STAT4: variants seen among roughly 807,000 people sequenced by gnomAD.
The protein encoded by STAT4 is signal transducer and activator of transcription 4.
A neutral mutation model predicts 110.5 loss-of-function variants in STAT4; 42 were observed. The ratio of observed to expected loss-of-function variants is 0.38; its 90% CI spans 0.30 to 0.49. The LOEUF (loss-of-function observed/expected upper bound fraction) is 0.49, where lower values mean the gene tolerates loss of function less well. STAT4 is among the 20% of genes least tolerant of loss of function. The probability of loss-of-function intolerance (pLI) is 0.95; values close to 1 mark genes in which losing one functional copy is unlikely to be tolerated. For synonymous variants in STAT4, 284 were observed against 302.2 expected (o/e 0.94, Z 0.63); for missense variants, 632 against 887.9 (o/e 0.71, Z 3.66).
Position 191,150,609 on chromosome 2 carries a change from C to T in STAT4, c.-2+338G>A, listed in dbSNP as rs1257187243. On this transcript the variant is annotated intron_variant, in intron 1 of 23. Transcript: ENST00000392320. The surrounding 1 kb of genome is among the most constrained non-coding windows in gnomAD (Gnocchi z 6.4). ...TACGCTAATCTAAAGTCAGACATCACAGCTCTAGAGAAGCTGGCTAAGAAA... is the reference window on the plus strand; with the variant it reads ...TACGCTAATCTAAAGTCAGACATCATAGCTCTAGAGAAGCTGGCTAAGAAA... 6.6e-6 allele frequency among the ~76,000 whole-genome samples: 1 copy of T among 152,214 alleles called. No homozygotes were observed. Among genetic ancestry groups the T allele is most frequent in the Admixed American group, 6.5e-5 (1 of 15,286 alleles).
chr2:191,133,433 A>G (rs1038038937), intron 3 of STAT4, among the ~76,000 whole-genome samples: 1 of 151,108 alleles, frequency 6.6e-6, no homozygotes, highest in Non-Finnish European at 1.5e-5. Flanking sequence ...AATGTAAGGT[A>G]AGAGATATGG....
intron 4 of STAT4, among the ~76,000 whole-genome samples, chr2:191,075,389 T>G (rs1697285931): frequency 6.6e-6 from 1 of 152,170 alleles, no homozygotes; most frequent in Non-Finnish European, 1.5e-5. Context: ...ATCTAAACTA[T>G]GTTAGAGTAA....
Position 191,147,712 on chromosome 2 carries a change from T to C in STAT4, c.128+364A>G, listed in dbSNP as rs1699494098. 6.6e-6 allele frequency among the ~76,000 whole-genome samples: 1 copy of C among 152,162 alleles called. No individual in the cohort carries two copies. The highest frequency in any genetic ancestry group is 2.1e-4 in the South Asian group (1 of 4,822). On this transcript the variant is annotated intron_variant, in intron 2 of 23. Transcript: ENST00000392320. This position sits in a 1 kb window ranked among gnomAD's most constrained non-coding sequence, Gnocchi z 4.1. ...GATGGCTGAAAAAAATTAAATGGTA[T>C]AAGGTGAATAGAGCTTTGAAGAGTA... is the stretch of plus-strand genomic sequence containing the variant.
At position 191,053,302 on chromosome 2, in the gene STAT4, G is replaced by A. The variant is rs1333585798; in HGVS notation, c.1251+1188C>T. Among the ~76,000 whole-genome samples, 1 of 152,180 alleles carries A rather than the reference G, an allele frequency of 6.6e-6. No homozygotes were observed. Among genetic ancestry groups the A allele is most frequent in the Non-Finnish European group, 1.5e-5 (1 of 68,036 alleles). On this transcript the variant is annotated intron_variant, in intron 14 of 23. Transcript: ENST00000392320. This position sits in a 1 kb window ranked among gnomAD's most constrained non-coding sequence, Gnocchi z 4.5. ...GGTTTTACACCTGCAGCACCTCTGA[G>A]CACGGGCTGTTGAGCATGACTATCC...
In STAT4 at chr2:191,066,544, G is replaced by T. The variant is rs1372464503; in HGVS notation, c.545-29C>A. On this transcript the variant is annotated intron_variant, in intron 6 of 23. Transcript: ENST00000392320. The surrounding 1 kb of genome is among the most constrained non-coding windows in gnomAD (Gnocchi z 4.3). Reference sequence around the variant, plus strand: ...CAAAGGTAAAGAGATCAGATTTAGAGTTCTCTCTATTCCTGAAAGTCAAGT... The same window carrying T: ...CAAAGGTAAAGAGATCAGATTTAGATTTCTCTCTATTCCTGAAAGTCAAGT... The T allele has an allele frequency of 1.2e-6, 2 of 1,600,772 alleles. No individual in the cohort carries two copies. The highest frequency in any genetic ancestry group is 1.1e-5 in the South Asian group (1 of 90,366).
At chr2:191,134,430 A>G (rs530818297) in intron 3 of STAT4, among the ~76,000 whole-genome samples, 206 of 152,102 alleles carry the variant, frequency 1.4e-3, no homozygotes, top group Admixed American at 4.0e-3. Context: ...CATACTCCAC[A>G]CTGGGTCCCA....
chr2:191,067,438 TCA>T (rs1559051939), intron 6 of STAT4, among the ~76,000 whole-genome samples: 1 of 152,104 alleles, frequency 6.6e-6, no homozygotes, highest in Admixed American at 6.6e-5. Flanking sequence ...AAAACTCATA[TCA>T]CAGAGGAAAA....
intron 5 of STAT4, among the ~76,000 whole-genome samples, chr2:191,072,685 T>C (rs900683975): frequency 4.6e-5 from 7 of 152,238 alleles, no homozygotes; most frequent in South Asian, 2.1e-4. Flanking sequence ...AATCTCTAGA[T>C]AGACTGATTA....
upstream of STAT4, chr2:191,151,564 C>G (rs1039442811): frequency 1.8e-4 from 174 of 985,478 alleles, no homozygotes; most frequent in Non-Finnish European, 2.0e-4. The surrounding 1 kb of genome is among the most constrained non-coding windows in gnomAD (Gnocchi z 4.7). Context: ...CTGACCTAGC[C>G]TCCTCCTACT....
chr2:191,121,777 G>C (rs1045572083), intron 3 of STAT4, among the ~76,000 whole-genome samples: 1 of 145,166 alleles, frequency 6.9e-6, no homozygotes, highest in Non-Finnish European at 1.5e-5. Flanking sequence ...GTTGTGGGGT[G>C]GGGGGAAGGG....
In STAT4 at chr2:191,037,820, GAA is replaced by G. The variant is rs370856447; in HGVS notation, c.1434+1377_1434+1378del. ...TTTGTGAACCTGAGAATGGTGCCTG[GAA>G]AAGTGACCAGAAAGCACAGAATACA... On this transcript the variant is annotated intron_variant, in intron 16 of 23. Coordinates refer to ENST00000392320, the MANE Select transcript of STAT4 (RefSeq NM_003151.4). The surrounding 1 kb of genome is among the most constrained non-coding windows in gnomAD (Gnocchi z 4.8). Among the ~76,000 whole-genome samples, 1 of 152,180 alleles carries G rather than the reference GAA, an allele frequency of 6.6e-6. No individual in the cohort carries two copies. Among genetic ancestry groups the G allele is most frequent in the African/African-American group, 2.4e-5 (1 of 41,442 alleles).
rs1471415944 is a variant in STAT4, at chr2:191,110,184, G to A, written c.274-33859C>T. On this transcript the variant is annotated intron_variant, in intron 3 of 23. Transcript: ENST00000392320. The surrounding 1 kb of genome is among the most constrained non-coding windows in gnomAD (Gnocchi z 4.5). ...TGACCACAAAACCATTCCTCAGTCT[G>A]CACAAACATAGATTTGTGTTGATGT... Among the ~76,000 whole-genome samples the A allele has an allele frequency of 6.6e-6, 1 of 152,092 alleles. No homozygotes were observed. Among genetic ancestry groups the A allele is most frequent in the Non-Finnish European group, 1.5e-5 (1 of 68,030 alleles).
At position 191,039,640 on chromosome 2, in the gene STAT4, C is replaced by G. The variant is rs1696134613; in HGVS notation, c.1336-343G>C. ...GAGAGTCTATTGAATTAGCAACAAT[C>G]TTCTCTATAAGTTAAATAAAAGAAT... On this transcript the variant is annotated intron_variant, in intron 15 of 23. Transcript: ENST00000392320. The surrounding 1 kb of genome is among the most constrained non-coding windows in gnomAD (Gnocchi z 4.7). Among the ~76,000 whole-genome samples the G allele has an allele frequency of 6.6e-6, 1 of 152,214 alleles. No homozygotes were observed. Among genetic ancestry groups the G allele is most frequent in the African/African-American group, 2.4e-5 (1 of 41,446 alleles).
intron 18 of STAT4, 60 bp downstream of exon 18, chr2:191,034,488 T>C: frequency 7.7e-7 from 1 of 1,295,876 alleles, no homozygotes; most frequent in Non-Finnish European, 1.1e-6. Context: ...GTAATAGACT[T>C]AGAAAGGAAC....
Position 191,061,970 on chromosome 2 carries a change from C to A in STAT4, c.942-149G>T, listed in dbSNP as rs774048329. Reference sequence around the variant, plus strand: ...ACCCCCAATTAAACTCAAATCTTTACAATGACTTTTTATAAATCATTTCAC... The same window carrying A: ...ACCCCCAATTAAACTCAAATCTTTAAAATGACTTTTTATAAATCATTTCAC... On this transcript the variant is annotated intron_variant, in intron 9 of 23. Coordinates refer to ENST00000392320, the MANE Select transcript of STAT4 (RefSeq NM_003151.4). The surrounding 1 kb of genome is among the most constrained non-coding windows in gnomAD (Gnocchi z 6.2). 7.3e-6 allele frequency: 5 copies of A among 684,402 alleles called. No individual in the cohort carries two copies. In the Admixed American group the frequency reaches 1.4e-4, roughly 20 times the overall value. 42.4% of individuals were successfully genotyped at this position (684,402 alleles called of 1,614,324 possible). A position where few individuals can be genotyped will look rare whatever the true frequency, so the allele number is the denominator to read the frequency against.
At chr2:191,087,735 T>C (rs1697673022) in intron 3 of STAT4, among the ~76,000 whole-genome samples, 1 of 152,138 alleles carries the variant, frequency 6.6e-6, no homozygotes, top group Non-Finnish European at 1.5e-5. Flanking sequence ...AAAGGTTATG[T>C]CTACGGTGAA....
In STAT4 at chr2:191,034,530, T is replaced by C; in HGVS notation, c.1620+18A>G. The C allele has an allele frequency of 1.2e-6, 2 of 1,602,072 alleles. No homozygotes were observed. The highest frequency in any genetic ancestry group is 1.7e-6 in the Non-Finnish European group (2 of 1,169,006). ...TTAAAAAAATGTATCTAAATGATGT[T>C]TCCCCGACCGTTTGTACCTTGCAGA... On this transcript the variant is annotated intron_variant, in intron 18 of 23. Transcript: ENST00000392320.
intron 3 of STAT4, among the ~76,000 whole-genome samples, chr2:191,095,695 T>G (rs1697950647): frequency 1.3e-5 from 2 of 151,964 alleles, no homozygotes; most frequent in African/African-American, 4.8e-5. Context: ...AACATCACAA[T>G]TAAAAGAACT....
intron 3 of STAT4, among the ~76,000 whole-genome samples, chr2:191,108,764 G>T (rs1698348201): frequency 6.6e-6 from 1 of 152,188 alleles, no homozygotes; most frequent in South Asian, 2.1e-4. Flanking sequence ...ATTTAAACCA[G>T]CTAAAAGGTC....
Sources: allele counts gnomAD v4.1 joint callset (sites outside exome capture counted in the v4.1 genomes callset), GRCh38; gene constraint gnomAD v4.1.1; non-coding constraint Gnocchi (gnomAD v3.1); transcripts MANE v1.5; gene names NCBI Gene and HGNC (gene_info 2026-07-23, HGNC 2026-07-21).